The following JCAD variants were observed in gnomAD, a reference collection of about 807,000 sequenced individuals.
JCAD encodes junctional cadherin 5 associated.
Under a neutral mutation model 98.0 loss-of-function variants are expected in JCAD, and 40 were observed. That is an observed-to-expected ratio of 0.41 (90% CI 0.32 to 0.53). The LOEUF (loss-of-function observed/expected upper bound fraction) is 0.53. JCAD is among the 20% of genes least tolerant of loss of function. The probability of loss-of-function intolerance (pLI) is 0.31; values close to 1 mark genes in which losing one functional copy is unlikely to be tolerated. For synonymous variants in JCAD, 691 were observed against 682.3 expected, an observed-to-expected ratio of 1.01 and a Z score of -0.20; for missense variants, 1,705 against 1,738.1, an observed-to-expected ratio of 0.98 and a Z score of 0.34.
intron 1 of JCAD, among the ~76,000 whole-genome samples, chr10:30,104,049 C>T (rs990126073): frequency 6.6e-6 from 1 of 152,084 alleles, no homozygotes; most frequent in Non-Finnish European, 1.5e-5. Flanking sequence ...TTGGAACTAG[C>T]CTGAAGGCAG....
Position 30,026,884 on chromosome 10 carries a change from C to T in JCAD, c.3264G>A (p.Arg1088=), listed in dbSNP as rs1027245491. ...CCACCGCCACCTCAATGCCCAGGAT[C>T]CTTGCAGCCCTGGCTTGCAAGGACT... ...PGESLQARAA[R]ILGIEVAVES... is the part of the protein sequence containing the mutation. Residue 1088 remains arginine (R), a synonymous_variant, in exon 3 of 4, where the codon AGG becomes AGA. Coordinates refer to ENST00000375377, the MANE Select transcript of JCAD (RefSeq NM_020848.4). The T allele has an allele frequency of 2.5e-6, 4 of 1,613,916 alleles. No individual in the cohort carries two copies. The highest frequency in any genetic ancestry group is 2.7e-5 in the African/African-American group (2 of 74,916).
intron 2 of JCAD, among the ~76,000 whole-genome samples, chr10:30,033,383 T>C (rs1444004886): frequency 6.6e-6 from 1 of 152,112 alleles, no homozygotes; most frequent in African/African-American, 2.4e-5. Context: ...AGGTCTCAGA[T>C]CATTTAGAGT....
At chr10:30,020,557 T>C (rs1836642570) in intron 3 of JCAD, among the ~76,000 whole-genome samples, 1 of 152,124 alleles carries the variant, frequency 6.6e-6, no homozygotes, top group Non-Finnish European at 1.5e-5. Flanking sequence ...AGCCCTACAT[T>C]ACTACCCAGA....
upstream of JCAD, among the ~76,000 whole-genome samples, chr10:30,059,736 G>A (rs1019546569): frequency 6.7e-6 from 1 of 149,852 alleles, no homozygotes; most frequent in African/African-American, 2.5e-5. The surrounding 1 kb of genome is among the most constrained non-coding windows in gnomAD (Gnocchi z 5.0). Context: ...GCACAAGTGA[G>A]CTGACCACCA....
At chr10:30,051,982 T>A (rs114577744) in intron 1 of JCAD, among the ~76,000 whole-genome samples, 2,636 of 152,330 alleles carry the variant, frequency 0.017, 75 homozygotes, top group African/African-American at 0.06. Flanking sequence ...TTTCCCCAAA[T>A]CATCAAATGG....
At chr10:30,078,784 G>T (rs188724722) in intron 1 of JCAD, among the ~76,000 whole-genome samples, 1 of 152,154 alleles carries the variant, frequency 6.6e-6, no homozygotes, top group Non-Finnish European at 1.5e-5. Flanking sequence ...TGACAGTTAC[G>T]AGGATGGTGA....
At chr10:30,045,496 C>T (rs1837316103) in intron 2 of JCAD, among the ~76,000 whole-genome samples, 1 of 152,142 alleles carries the variant, frequency 6.6e-6, no homozygotes, top group Non-Finnish European at 1.5e-5. Context: ...AGACAAGGTA[C>T]AATCTCAGTA....
At chr10:30,019,357 CA>C (rs58164754) in intron 3 of JCAD, among the ~76,000 whole-genome samples, 56,198 of 100,272 alleles carry the variant, frequency 0.56, 12,979 homozygotes, top group African/African-American at 0.69. Context: ...AACTCTGTCT[CA>C]AAAAAAAAAA....
chr10:30,028,598 C>G lies in JCAD; in HGVS notation c.1550G>C (p.Arg517Thr). 1 of 1,613,618 alleles carries G rather than the reference C, an allele frequency of 6.2e-7. No homozygotes were observed. The highest frequency in any genetic ancestry group is 8.5e-7 in the Non-Finnish European group (1 of 1,179,716). Reference protein sequence around the residue: ...DGENSGLPNQRDRCVARGQWP... With the variant: ...DGENSGLPNQTDRCVARGQWP... ...CTGTCCCCTTGCCACACAGCGGTCT[C>G]TCTGGTTGGGGAGGCCACTGTTTTC... Residue 517 changes from arginine (R) to threonine (T), a missense_variant, in exon 3 of 4, where the codon AGA (arginine) becomes ACA (threonine). Around this residue, in one of 3 missense-constraint regions of JCAD, gnomAD observed 1,278 missense variants for 1,243.1 expected, o/e 1.03. Transcript: ENST00000375377.
At chr10:30,095,526 C>G (rs561104525) in intron 1 of JCAD, among the ~76,000 whole-genome samples, 2 of 152,196 alleles carry the variant, frequency 1.3e-5, no homozygotes, top group South Asian at 2.1e-4. Context: ...CCTCCCCGTT[C>G]GACCTGCTCT....
In JCAD at chr10:30,047,758, G is replaced by C. The variant is rs1267932096; in HGVS notation, c.55C>G (p.Pro19Ala). ...GGGTTATCCTCGCGTGATGCTGGGGGGTCTCTTGACAGCTTGTATCCATGA... is the reference window on the plus strand; with the variant it reads ...GGGTTATCCTCGCGTGATGCTGGGGCGTCTCTTGACAGCTTGTATCCATGA... Reference protein sequence around the residue: ...ISHGYKLSRDPPASREDNPKG... With the variant: ...ISHGYKLSRDAPASREDNPKG... The change falls in exon 2 of 4, where the codon CCC becomes GCC. Residue 19 changes from proline to alanine, a missense_variant. Transcript: ENST00000375377. 6.2e-7 allele frequency: 1 copy of C among 1,614,152 alleles called. No homozygotes were observed. Among genetic ancestry groups the C allele is most frequent in the Admixed American group, 1.7e-5 (1 of 60,030 alleles).
intron 3 of JCAD, among the ~76,000 whole-genome samples, chr10:30,022,381 G>T (rs1304980878): frequency 1.3e-5 from 2 of 150,100 alleles, no homozygotes; most frequent in Non-Finnish European, 3.0e-5. Context: ...GGGGTCATGG[G>T]GGCAGCAGTG....
chr10:30,059,757 T>C (rs138699262), upstream of JCAD, among the ~76,000 whole-genome samples: 669 of 152,084 alleles, frequency 4.4e-3, 7 homozygotes, highest in South Asian at 0.046. This position sits in a 1 kb window ranked among gnomAD's most constrained non-coding sequence, Gnocchi z 5.0. Context: ...TTCCCTCTTT[T>C]CTTGTCACTT....
chr10:30,045,507 C>A (rs1282203960), intron 2 of JCAD, among the ~76,000 whole-genome samples: 1 of 152,150 alleles, frequency 6.6e-6, no homozygotes, highest in Non-Finnish European at 1.5e-5. Flanking sequence ...AATCTCAGTA[C>A]CTTGATATCC....
At chr10:30,084,245 C>T (rs1178370798) in intron 1 of JCAD, among the ~76,000 whole-genome samples, 1 of 151,750 alleles carries the variant, frequency 6.6e-6, no homozygotes, top group Non-Finnish European at 1.5e-5. Flanking sequence ...GGAAAATATG[C>T]AAATAGGCAA....
intron 1 of JCAD, among the ~76,000 whole-genome samples, chr10:30,075,724 A>G (rs1455768366): frequency 1.3e-5 from 2 of 152,228 alleles, no homozygotes; most frequent in Non-Finnish European, 2.9e-5. Flanking sequence ...GGAGCAGCAC[A>G]CTAGAAAAAT....
At chr10:30,062,501 C>T (rs1327322676), upstream of JCAD, among the ~76,000 whole-genome samples, 3 of 152,106 alleles carry the variant, frequency 2.0e-5, no homozygotes, top group Admixed American at 2.0e-4. Flanking sequence ...TTCTAAAGAT[C>T]TGGGAATAGA....
intron 3 of JCAD, among the ~76,000 whole-genome samples, chr10:30,020,807 C>T (rs1474808228): frequency 6.6e-6 from 1 of 152,162 alleles, no homozygotes; most frequent in Non-Finnish European, 1.5e-5. Context: ...TCTTTTTCTC[C>T]ATTGAGAATA....
chr10:30,096,362 C>G (rs1163076627), intron 1 of JCAD, among the ~76,000 whole-genome samples: 1 of 152,198 alleles, frequency 6.6e-6, no homozygotes, highest in Admixed American at 6.5e-5. Flanking sequence ...TGCTACCTAC[C>G]TTGCAGAGTT....
Sources: gnomAD v4.1 joint callset for allele counts (sites outside exome capture counted in the v4.1 genomes callset) on GRCh38, gnomAD v4.1.1 for gene constraint, gnomAD v4.1.1 regional missense constraint, Gnocchi (gnomAD v3.1) non-coding constraint, MANE v1.5 for transcripts, NCBI Gene and HGNC (gene_info 2026-07-23, HGNC 2026-07-21) for gene names.